Variants in GPC6 observed in about 807,000 individuals in gnomAD.
GPC6 encodes glypican-6.
In GPC6, 14 loss-of-function variants were observed where a neutral mutation model predicts 55.2. That is an observed-to-expected ratio of 0.25 (90% CI 0.17 to 0.40). The LOEUF (loss-of-function observed/expected upper bound fraction) is 0.40, where lower values mean the gene tolerates loss of function less well. GPC6 is among the 10% of genes least tolerant of loss of function. The probability of loss-of-function intolerance (pLI) is 1.00; values close to 1 mark genes in which losing one functional copy is unlikely to be tolerated. For synonymous variants in GPC6, 278 were observed against 259.6 expected (o/e 1.07, Z -0.68); for missense variants, 641 against 708.5 (o/e 0.90, Z 1.08).
intron 3 of GPC6, among the ~76,000 whole-genome samples, chr13:93,877,885 A>C (rs370165388): frequency 1.3e-5 from 2 of 152,036 alleles, no homozygotes; most frequent in East Asian, 3.9e-4. Context: ...ATACTCATAA[A>C]TGACTATGGG....
chr13:93,263,297 T>C (rs1877211706), intron 1 of GPC6, among the ~76,000 whole-genome samples: 1 of 152,194 alleles, frequency 6.6e-6, no homozygotes, highest in Non-Finnish European at 1.5e-5. Flanking sequence ...TTCCTTTTGC[T>C]AGTCATGTGA....
intron 3 of GPC6, among the ~76,000 whole-genome samples, chr13:93,887,068 A>G (rs1239801087): frequency 6.6e-6 from 1 of 152,074 alleles, no homozygotes; most frequent in Admixed American, 6.6e-5. Flanking sequence ...TTATCTGTTT[A>G]GAATTCAGAA....
At chr13:93,912,970 G>A (rs1160337990) in intron 3 of GPC6, among the ~76,000 whole-genome samples, 2 of 151,910 alleles carry the variant, frequency 1.3e-5, no homozygotes, top group African/African-American at 2.4e-5. Flanking sequence ...TCTCTGTGTC[G>A]ATTCTTCTTC....
At chr13:93,384,687 T>C (rs1041615459) in intron 1 of GPC6, among the ~76,000 whole-genome samples, 2 of 152,340 alleles carry the variant, frequency 1.3e-5, no homozygotes, top group Admixed American at 1.3e-4. Context: ...TTACTGTTTG[T>C]GTATTTAGTG....
chr13:93,331,954 A>T (rs1879862715), intron 1 of GPC6, among the ~76,000 whole-genome samples: 1 of 152,158 alleles, frequency 6.6e-6, no homozygotes, highest in South Asian at 2.1e-4. Flanking sequence ...AAGTGATAAC[A>T]TGCAATATTT....
chr13:94,251,366 C>A (rs1891342197), intron 4 of GPC6, among the ~76,000 whole-genome samples: 1 of 151,644 alleles, frequency 6.6e-6, no homozygotes, highest in South Asian at 2.1e-4. Flanking sequence ...GGCTTAAAAC[C>A]TAGATGACGG....
chr13:93,772,356 A>C (rs1407893972), intron 2 of GPC6, among the ~76,000 whole-genome samples: 1 of 152,006 alleles, frequency 6.6e-6, no homozygotes, highest in Admixed American at 6.6e-5. Context: ...AAGTGTGCTC[A>C]CTTGGGTTTG....
At chr13:94,173,748 T>C (rs1888652770) in intron 4 of GPC6, among the ~76,000 whole-genome samples, 1 of 152,162 alleles carries the variant, frequency 6.6e-6, no homozygotes, top group South Asian at 2.1e-4. Flanking sequence ...AAAAGCATGT[T>C]TTGATTCCCC....
intron 4 of GPC6, among the ~76,000 whole-genome samples, chr13:94,284,188 G>A (rs1892466161): frequency 6.6e-6 from 1 of 152,132 alleles, no homozygotes; most frequent in Admixed American, 6.5e-5. Context: ...TGTCCGCCTG[G>A]GGCCTGGGGT....
chr13:94,363,661 G>A (rs1217625952), intron 6 of GPC6, among the ~76,000 whole-genome samples: 1 of 152,174 alleles, frequency 6.6e-6, no homozygotes, highest in African/African-American at 2.4e-5. Flanking sequence ...TGCTTAGGAA[G>A]GACCTTAGAC....
chr13:94,070,281 TGA>T, intron 4 of GPC6, among the ~76,000 whole-genome samples: 1 of 152,272 alleles, frequency 6.6e-6, no homozygotes, highest in South Asian at 2.1e-4. Flanking sequence ...CCCACCTCCA[TGA>T]CTGAATTACC....
chr13:93,802,329 A>G (rs1164544560), intron 2 of GPC6, among the ~76,000 whole-genome samples: 1 of 152,026 alleles, frequency 6.6e-6, no homozygotes. Context: ...TATTTTTGCT[A>G]TCACTCAGAC....
chr13:93,937,362 G>T (rs1281764782), intron 3 of GPC6, among the ~76,000 whole-genome samples: 1 of 152,184 alleles, frequency 6.6e-6, no homozygotes, highest in African/African-American at 2.4e-5. Context: ...ACAGTCAGCT[G>T]TATAGTGGCA....
intron 1 of GPC6, among the ~76,000 whole-genome samples, chr13:93,407,274 A>G (rs914779305): frequency 6.6e-6 from 1 of 152,100 alleles, no homozygotes; most frequent in African/African-American, 2.4e-5. Context: ...TTAGAGAGAG[A>G]GAGAGAAAAA....
intron 2 of GPC6, among the ~76,000 whole-genome samples, chr13:93,554,157 A>G (rs1238128434): frequency 2.0e-5 from 3 of 151,012 alleles, no homozygotes; most frequent in Non-Finnish European, 3.0e-5. Context: ...AAAAAAAAAA[A>G]AGAGAGAGAG....
chr13:93,241,104 A>T (rs777199799), intron 1 of GPC6, among the ~76,000 whole-genome samples: 1 of 152,154 alleles, frequency 6.6e-6, no homozygotes, highest in Non-Finnish European at 1.5e-5. Context: ...TAACCTGATG[A>T]TTACATGCCT....
chr13:94,302,707 G>A (rs116599722), intron 5 of GPC6, among the ~76,000 whole-genome samples: 2,314 of 152,266 alleles, frequency 0.015, 73 homozygotes, highest in African/African-American at 0.054. Flanking sequence ...CCTAGGCTGG[G>A]AACTTCTGTA....
At chr13:93,553,626 C>T (rs1370443144) in intron 2 of GPC6, among the ~76,000 whole-genome samples, 3 of 134,892 alleles carry the variant, frequency 2.2e-5, no homozygotes, top group Non-Finnish European at 4.6e-5. Context: ...ACCCAGGAGG[C>T]AGAGGTTGCA....
At chr13:93,995,982 C>G (rs2050646) in intron 3 of GPC6, among the ~76,000 whole-genome samples, 151,411 of 152,332 alleles carry the variant, frequency 0.99, 75,254 homozygotes, top group Middle Eastern at 1. Context: ...AGAAAACTTA[C>G]ATTGTTTCCA....
Sources: allele counts gnomAD v4.1 joint callset (sites outside exome capture counted in the v4.1 genomes callset), GRCh38; gene constraint gnomAD v4.1.1; transcripts MANE v1.5; gene names NCBI Gene and HGNC (gene_info 2026-07-23, HGNC 2026-07-21).